Variants in PROZ observed in about 807,000 individuals in gnomAD.
PROZ encodes the protein protein Z, vitamin K dependent plasma glycoprotein.
Under a neutral mutation model 34.9 loss-of-function variants are expected in PROZ, and 46 were observed. The ratio of observed to expected loss-of-function variants is 1.32; its 90% CI spans 1.04 to 1.69. The LOEUF is 1.69. Among genes scored for constraint, PROZ ranks in the 40% most tolerant of loss-of-function variants. The probability of loss-of-function intolerance (pLI) is 0.00; values close to 1 mark genes in which losing one functional copy is unlikely to be tolerated. For missense variants in PROZ, 530 were observed against 520.4 expected (o/e 1.02, Z -0.18); for synonymous variants, 195 against 208.5 (o/e 0.94, Z 0.56).
Position 113,158,981 on chromosome 13 carries a change from C to T in PROZ, c.70+251C>T, listed in dbSNP as rs1376525909. ...AGAAGCCTGTGTGCAGGGGATTCAGCCGGGAAAGGCCGGGGAGAGGGGAGG... is the reference window on the plus strand; with the variant it reads ...AGAAGCCTGTGTGCAGGGGATTCAGTCGGGAAAGGCCGGGGAGAGGGGAGG... On this transcript the variant is annotated intron_variant, in intron 1 of 7. Transcript: ENST00000375547. The surrounding 1 kb of genome is among the most constrained non-coding windows in gnomAD (Gnocchi z 4.3). Among the ~76,000 whole-genome samples the T allele has an allele frequency of 2.1e-5, 3 of 144,658 alleles. No homozygotes were observed. The highest frequency in any genetic ancestry group is 7.7e-5 in the African/African-American group (3 of 38,968). 94.9% of individuals were successfully genotyped at this position (144,658 alleles called of 152,430 possible). A position where few individuals can be genotyped will look rare whatever the true frequency, so the allele number is the denominator to read the frequency against.
chr13:113,162,891 A>ACCCCC, intron 3 of PROZ, 118 bp from the exon 4 acceptor site: 2 of 284,636 alleles, frequency 7.0e-6, no homozygotes, highest in Admixed American at 4.0e-5. Flanking sequence ...CCCTGCTGCC[A>ACCCCC]CCCCCCACTC....
chr13:113,159,874 G>A lies in PROZ; in HGVS notation c.71-140G>A. On this transcript the variant is annotated intron_variant, in intron 1 of 7. Coordinates refer to ENST00000375547, the MANE Select transcript of PROZ (RefSeq NM_003891.3). The surrounding 1 kb of genome is among the most constrained non-coding windows in gnomAD (Gnocchi z 4.6). ...CCTCGGGGGAGGGAGTAGCGGGGTG[G>A]CCCTGAGGCCCTCGCAGGCTGAGAG... is the stretch of plus-strand genomic sequence containing the variant. 2.1e-6 allele frequency: 2 copies of A among 955,956 alleles called. No individual in the cohort carries two copies. Among genetic ancestry groups the A allele is most frequent in the Non-Finnish European group, 1.7e-6 (1 of 592,550 alleles). 59.2% of individuals were successfully genotyped at this position (955,956 alleles called of 1,614,324 possible).
intron 4 of PROZ, among the ~76,000 whole-genome samples, chr13:113,163,936 G>C (rs943775657): frequency 6.7e-6 from 1 of 150,176 alleles, no homozygotes; most frequent in African/African-American, 2.4e-5. Context: ...GTGGAAAAAG[G>C]ACAAATAGAA....
rs1217682093 is a variant in PROZ, at chr13:113,159,275, A to T, written c.70+545A>T. The T allele has an allele frequency of 1.4e-5, 22 of 1,539,352 alleles. No individual in the cohort carries two copies. Among genetic ancestry groups the T allele is most frequent in the Non-Finnish European group, 1.8e-5 (21 of 1,136,832 alleles). On this transcript the variant is annotated intron_variant, in intron 1 of 7. Coordinates refer to ENST00000375547, the MANE Select transcript of PROZ (RefSeq NM_003891.3). This position sits in a 1 kb window ranked among gnomAD's most constrained non-coding sequence, Gnocchi z 4.6. ...GCGTCCAGGAAAGCTGCAAGTCAAAACACCCAGCATCCCCGCTGGCCCCAT... is the reference window on the plus strand; with the variant it reads ...GCGTCCAGGAAAGCTGCAAGTCAAATCACCCAGCATCCCCGCTGGCCCCAT...
rs923781765 is a variant in PROZ at position 113,164,896 on chromosome 13, G to T, written c.506-157G>T. ...GAGGGGTGGTTTAACTCCAGTCTGT[G>T]TGTCTGTGAATTACTGCACATTCAT... is the stretch of plus-strand genomic sequence containing the variant. On this transcript the variant is annotated intron_variant, in intron 5 of 7. Transcript: ENST00000375547. 5.0e-5 allele frequency: 48 copies of T among 955,038 alleles called. 1 individual carries two copies. The South Asian group carries it at 6.6e-4, about 13-fold the overall frequency. 59.2% of individuals were successfully genotyped at this position (955,038 alleles called of 1,614,324 possible). A position where few individuals can be genotyped will look rare whatever the true frequency, so the allele number is the denominator to read the frequency against.
rs778898743 is a variant in PROZ, at chr13:113,158,701, T to TCCTCGC, written c.46_51dup (p.Ala16_Leu17dup). ...CCACTGCTCCAGGGCCTGGTCCTGGTCCTCGCCCTCCATCGTGTGGAGCCC... is the reference window on the plus strand; with the variant it reads ...CCACTGCTCCAGGGCCTGGTCCTGGTCCTCGCCCTCGCCCTCCATCGTGTGGAGCCC... On this transcript the variant is annotated inframe_insertion, in exon 1 of 8. Transcript: ENST00000375547. The surrounding 1 kb of genome is among the most constrained non-coding windows in gnomAD (Gnocchi z 4.3). The TCCTCGC allele has an allele frequency of 2.3e-5, 37 of 1,606,396 alleles. No homozygotes were observed.
rs555577954 is a variant in PROZ, at chr13:113,171,317, G to A, written c.692-277G>A. 1.3e-5 allele frequency among the ~76,000 whole-genome samples: 2 copies of A among 152,248 alleles called. No homozygotes were observed. The highest frequency in any genetic ancestry group is 4.8e-5 in the African/African-American group (2 of 41,532). The stretch of plus-strand genomic sequence containing the variant: ...GAGACGTTCCACATCACTGCTTCCT[G>A]CTTTTTAATCATTTCACCACACCCC... On this transcript the variant is annotated intron_variant, in intron 7 of 7. Coordinates refer to ENST00000375547, the MANE Select transcript of PROZ (RefSeq NM_003891.3). This position sits in a 1 kb window ranked among gnomAD's most constrained non-coding sequence, Gnocchi z 5.1.
chr13:113,165,727 C>T (rs1595117335), intron 6 of PROZ, among the ~76,000 whole-genome samples: 1 of 152,142 alleles, frequency 6.6e-6, no homozygotes, highest in Non-Finnish European at 1.5e-5. Context: ...GACGGGGTTT[C>T]ACCATGTTGG....
At position 113,159,220 on chromosome 13, in the gene PROZ, A is replaced by C; in HGVS notation, c.70+490A>C. ...CCAGCCACTTCACTGAAGGAACGAC[A>C]TGGACTCCATTCTGACTCTGCCTGC... On this transcript the variant is annotated intron_variant, in intron 1 of 7. Coordinates refer to ENST00000375547, the MANE Select transcript of PROZ (RefSeq NM_003891.3). This position sits in a 1 kb window ranked among gnomAD's most constrained non-coding sequence, Gnocchi z 4.6. The C allele has an allele frequency of 6.5e-7, 1 of 1,547,646 alleles. No individual in the cohort carries two copies.
At chr13:113,160,782 C>G (rs1448235307) in intron 2 of PROZ, among the ~76,000 whole-genome samples, 166 bp from the exon 3 acceptor site, 1 of 152,156 alleles carries the variant, frequency 6.6e-6, no homozygotes, top group African/African-American at 2.4e-5. Context: ...ATACATTTAA[C>G]ATAAACAAAT....
chr13:113,171,954 G>C lies in PROZ; in HGVS notation c.1052G>C (p.Trp351Ser), dbSNP rs1381329464. ...AGAAGCAGCGTGGCGGCCATGCACT[G>C]GATGGATGGAAGTGTGGTCACCAGA... is the stretch of plus-strand genomic sequence containing the variant. ...CERSSVAAMH[W>S]MDGSVVTREH... The change falls in exon 8 of 8, where the codon TGG (tryptophan) becomes TCG (serine). Residue 351 changes from tryptophan to serine, a missense_variant. Transcript: ENST00000375547. The surrounding 1 kb of genome is among the most constrained non-coding windows in gnomAD (Gnocchi z 5.1). The C allele has an allele frequency of 1.9e-6, 3 of 1,613,518 alleles. No individual in the cohort carries two copies. The African/African-American group carries it at 4.0e-5, about 22-fold the overall frequency.
chr13:113,170,402 G>T lies in PROZ; in HGVS notation c.574-11G>T. On this transcript the variant is annotated splice_polypyrimidine_tract_variant and intron_variant, in intron 6 of 7. Coordinates refer to ENST00000375547, the MANE Select transcript of PROZ (RefSeq NM_003891.3). The stretch of plus-strand genomic sequence containing the variant: ...TCACCAGCTATTTATTGTCTGTTTT[G>T]ATTTTTAAAGGTAAAGTTAACAAAT... 1 of 1,499,464 alleles carries T rather than the reference G, an allele frequency of 6.7e-7. No individual in the cohort carries two copies. The highest frequency in any genetic ancestry group is 1.1e-5 in the South Asian group (1 of 88,534). The allele number at this position is 1,499,464 out of a possible 1,614,324, so 92.9% of individuals were successfully genotyped here.
Position 113,163,113 on chromosome 13 carries a change from T to C in PROZ, c.364T>C (p.Cys122Arg). 6.4e-7 allele frequency: 1 copy of C among 1,552,834 alleles called. No homozygotes were observed. Among genetic ancestry groups the C allele is most frequent in the Non-Finnish European group, 8.7e-7 (1 of 1,147,400 alleles). Residue 122 changes from cysteine (C) to arginine (R), a missense_variant, in exon 4 of 8, where the codon TGC (cysteine) becomes CGC (arginine). Coordinates refer to ENST00000375547, the MANE Select transcript of PROZ (RefSeq NM_003891.3). ...TCSPGYEGSN[C>R]ELAKNECHPE... ...CTCCCCCGGCTATGAGGGCAGCAAC[T>C]GCGAGCTGGGTGAGGCCCCGGCCGT...
intron 4 of PROZ, 63 bp downstream of exon 4, chr13:113,163,185 G>T: frequency 7.3e-7 from 1 of 1,362,976 alleles, no homozygotes; most frequent in Non-Finnish European, 1.0e-6. Context: ...TCACATCCTC[G>T]GCCAGAGTCC....
At chr13:113,161,066 A>C in intron 3 of PROZ, 94 bp downstream of exon 3, 1 of 1,125,934 alleles carries the variant, frequency 8.9e-7, no homozygotes, top group South Asian at 1.2e-5. Flanking sequence ...AGCTCAGCGG[A>C]TGCCAAGCCT....
Position 113,158,669 on chromosome 13 carries a change from C to A in PROZ, c.9C>A (p.Gly3=). MA[G]CVPLLQGLVL... ...CAGCGCTCCGGGTGGGAATGGCAGG[C>A]TGCGTCCCACTGCTCCAGGGCCTGG... The change falls in exon 1 of 8, where the codon GGC becomes GGA. Residue 3 remains glycine (G), a synonymous_variant. Coordinates refer to ENST00000375547, the MANE Select transcript of PROZ (RefSeq NM_003891.3). The surrounding 1 kb of genome is among the most constrained non-coding windows in gnomAD (Gnocchi z 4.3). 1 of 1,603,304 alleles carries A rather than the reference C, an allele frequency of 6.2e-7. No individual in the cohort carries two copies. Among genetic ancestry groups the A allele is most frequent in the Non-Finnish European group, 8.5e-7 (1 of 1,175,792 alleles).
rs2037131238 is a variant in PROZ, at chr13:113,172,273, T to C, written c.*168T>C. 1.2e-6 allele frequency: 1 copy of C among 864,980 alleles called. No homozygotes were observed. The highest frequency in any genetic ancestry group is 1.5e-5 in the South Asian group (1 of 64,840). 53.6% of individuals were successfully genotyped at this position (864,980 alleles called of 1,614,324 possible). A position where few individuals can be genotyped will look rare whatever the true frequency, so the allele number is the denominator to read the frequency against. On this transcript the variant is annotated 3_prime_UTR_variant, in exon 8 of 8. Transcript: ENST00000375547. The stretch of plus-strand genomic sequence containing the variant: ...CAGAGCCGCCGTTTGCTGGGTTGTT[T>C]ACCGAGCACTGTGACCTTTCTTTCC...
Position 113,159,303 on chromosome 13 carries a change from T to C in PROZ, c.70+573T>C, listed in dbSNP as rs1259065650. On this transcript the variant is annotated intron_variant, in intron 1 of 7. Coordinates refer to ENST00000375547, the MANE Select transcript of PROZ (RefSeq NM_003891.3). This position sits in a 1 kb window ranked among gnomAD's most constrained non-coding sequence, Gnocchi z 4.6. Reference sequence around the variant, plus strand: ...CCCAGCATCCCCGCTGGCCCCATGGTCTCCCGCTGGCCCCATGGTCTCCCA... The same window carrying C: ...CCCAGCATCCCCGCTGGCCCCATGGCCTCCCGCTGGCCCCATGGTCTCCCA... 6.6e-6 allele frequency: 10 copies of C among 1,508,066 alleles called. No individual in the cohort carries two copies. Among genetic ancestry groups the C allele is most frequent in the Non-Finnish European group, 9.0e-6 (10 of 1,108,952 alleles). 93.4% of individuals were successfully genotyped at this position (1,508,066 alleles called of 1,614,324 possible).
chr13:113,171,010 C>T lies in PROZ; in HGVS notation c.691+480C>T, dbSNP rs955738394. Among the ~76,000 whole-genome samples, 1 of 151,956 alleles carries T rather than the reference C, an allele frequency of 6.6e-6. No individual in the cohort carries two copies. The highest frequency in any genetic ancestry group is 1.5e-5 in the Non-Finnish European group (1 of 67,998). On this transcript the variant is annotated intron_variant, in intron 7 of 7. Coordinates refer to ENST00000375547, the MANE Select transcript of PROZ (RefSeq NM_003891.3). The surrounding 1 kb of genome is among the most constrained non-coding windows in gnomAD (Gnocchi z 5.1). ...TGATCCAGGCTCACTGCAACCTCTG[C>T]CTCCTGGGTTCAAGCGATTCTCATG...
Sources: gnomAD v4.1 joint callset for allele counts (sites outside exome capture counted in the v4.1 genomes callset) on GRCh38, gnomAD v4.1.1 for gene constraint, Gnocchi (gnomAD v3.1) non-coding constraint, MANE v1.5 for transcripts, NCBI Gene and HGNC (gene_info 2026-07-23, HGNC 2026-07-21) for gene names.